Variants in GCN1 observed in about 807,000 individuals in gnomAD.
GCN1 encodes the protein GCN1 activator of EIF2AK4, also known as stalled ribosome sensor GCN1.
GCN1 carries 90 observed loss-of-function variants against 288.4 expected under a neutral mutation model. The observed-to-expected ratio is 0.31, with a 90% CI of 0.26 to 0.37. The LOEUF is 0.37. Ranked by LOEUF, GCN1 falls within the 10% of genes least tolerant of loss-of-function variation. GCN1 has a pLI of 1.00. For missense variants in GCN1, 2,586 were observed against 3,419.9 expected (o/e 0.76, Z 6.08); for synonymous variants, 1,386 against 1,420.2 (o/e 0.98, Z 0.54).
At chr12:120,165,047 A>AT (rs1268709450) in intron 16 of GCN1, among the ~76,000 whole-genome samples, 3 of 148,926 alleles carry the variant, frequency 2.0e-5, no homozygotes, top group African/African-American at 7.6e-5. Flanking sequence ...ATATATATAT[A>AT]TATATTTTTT....
intron 42 of GCN1, among the ~76,000 whole-genome samples, chr12:120,143,319 A>G (rs1490134790): frequency 1.3e-5 from 2 of 152,214 alleles, no homozygotes; most frequent in Admixed American, 6.5e-5. Flanking sequence ...GTGGTGGCTC[A>G]CGCCTGTAAT....
chr12:120,164,207 C>T lies in GCN1; in HGVS notation c.1848+129G>A, dbSNP rs901061621. 5.5e-6 allele frequency: 4 copies of T among 721,500 alleles called. No homozygotes were observed. In the African/African-American group the frequency reaches 7.1e-5, roughly 13 times the overall value. 44.7% of individuals were successfully genotyped at this position (721,500 alleles called of 1,614,324 possible). A position where few individuals can be genotyped will look rare whatever the true frequency, so the allele number is the denominator to read the frequency against. ...ATGTTACTGGAGCTTGACGGCAGAG[C>T]AGAAGATGCTGGCATCACACAGATT... On this transcript the variant is annotated intron_variant, in intron 18 of 57. Transcript: ENST00000300648.
In GCN1 at chr12:120,164,343, G is replaced by T; in HGVS notation, c.1841C>A (p.Ser614Tyr). 1 of 1,613,454 alleles carries T rather than the reference G, an allele frequency of 6.2e-7. No individual in the cohort carries two copies. The highest frequency in any genetic ancestry group is 8.5e-7 in the Non-Finnish European group (1 of 1,179,468). Residue 614 changes from serine (S) to tyrosine (Y), a missense_variant, in exon 18 of 58, where the codon TCT (serine) becomes TAT (tyrosine). Physicochemically the swap from Ser to Tyr is moderately radical, Grantham distance 144. This residue lies in a region of GCN1 where 913 missense variants were observed against 1,107.0 expected (regional missense o/e 0.82). Transcript: ENST00000300648. ...GAGCCCAGATGCCCTCACCTTGTGA[G>T]AACTGAGGACAGTCTTCAGCTCCTC... ...LLEELKTVLS[S>Y]HKVLPLEALV...
intron 1 of GCN1, among the ~76,000 whole-genome samples, chr12:120,193,661 A>G (rs1406638441): frequency 1.3e-5 from 2 of 152,216 alleles, no homozygotes; most frequent in Non-Finnish European, 2.9e-5. Context: ...TGTGGCTGCC[A>G]TACTGGACAT....
intron 20 of GCN1, among the ~76,000 whole-genome samples, chr12:120,162,545 G>A (rs1338466353): frequency 3.9e-5 from 6 of 152,226 alleles, no homozygotes; most frequent in Non-Finnish European, 8.8e-5. Flanking sequence ...AGCCCACATC[G>A]TGGAAAACAG....
At chr12:120,148,394 C>A in intron 36 of GCN1, 48 bp from the exon 37 acceptor site, 1 of 1,486,648 alleles carries the variant, frequency 6.7e-7, no homozygotes, top group South Asian at 1.2e-5. Context: ...GAGCAAAGGC[C>A]AGCAACTCAC....
chr12:120,138,747 G>A lies in GCN1; in HGVS notation c.6104C>T (p.Thr2035Ile). 1.2e-6 allele frequency: 2 copies of A among 1,614,214 alleles called. No individual in the cohort carries two copies. The highest frequency in any genetic ancestry group is 1.7e-6 in the Non-Finnish European group (2 of 1,180,010). The change falls in exon 46 of 58, where the codon ACC becomes ATC. Residue 2035 changes from threonine to isoleucine, a missense_variant. By Grantham distance (89) the Thr-to-Ile change is moderately conservative. Transcript: ENST00000300648. ...GTCCTCCAGAGCCTGGTGGCCGATG[G>A]TGGAATGCAGCTGCTCGAAAGTCTT... ...AAKTFEQLHSTIGHQALEDIL... is the reference protein window; with the variant it reads ...AAKTFEQLHSIIGHQALEDIL...
intron 53 of GCN1, among the ~76,000 whole-genome samples, chr12:120,133,372 G>A (rs747305489): frequency 9.8e-5 from 15 of 152,292 alleles, no homozygotes; most frequent in Non-Finnish European, 1.5e-4. Context: ...CACAGTGCTC[G>A]CAGCCAAATA....
chr12:120,158,309 C>A lies in GCN1; in HGVS notation c.2905+151G>T, dbSNP rs539499406. On this transcript the variant is annotated intron_variant, in intron 25 of 57. Transcript: ENST00000300648. The surrounding 1 kb of genome is among the most constrained non-coding windows in gnomAD (Gnocchi z 4.3). ...AGTAAACCCTCAACTGGGCTCACTG[C>A]AATTCACAGACTACGAAGGTTCAAT... The A allele has an allele frequency of 3.2e-5, 23 of 709,078 alleles. No individual in the cohort carries two copies. In the African/African-American group the frequency reaches 4.1e-4, roughly 13 times the overall value. 43.9% of individuals were successfully genotyped at this position (709,078 alleles called of 1,614,324 possible).
chr12:120,174,373 C>T (rs1878405461), intron 12 of GCN1, among the ~76,000 whole-genome samples: 1 of 152,200 alleles, frequency 6.6e-6, no homozygotes, highest in South Asian at 2.1e-4. Context: ...TCCTGCTAGA[C>T]CTGAACAAGT....
At chr12:120,148,493 G>C in intron 36 of GCN1, 147 bp from the exon 37 acceptor site, 1 of 650,864 alleles carries the variant, frequency 1.5e-6, no homozygotes, top group South Asian at 2.1e-5. Flanking sequence ...GAGGGGGCTG[G>C]CTCTAGCAGA....
chr12:120,148,207 G>C lies in GCN1; in HGVS notation c.4686C>G (p.Leu1562=). 1 of 1,614,000 alleles carries C rather than the reference G, an allele frequency of 6.2e-7. No individual in the cohort carries two copies. The highest frequency in any genetic ancestry group is 1.1e-5 in the South Asian group (1 of 91,070). Residue 1562 remains leucine, a synonymous_variant, in exon 37 of 58, where the codon CTC becomes CTG. Coordinates refer to ENST00000300648, the MANE Select transcript of GCN1 (RefSeq NM_006836.2). ...VKVQKAGQQA[L]RQIGSVIRNP... Reference sequence around the variant, plus strand: ...TCCTGATAACGGAGCCGATCTGCCTGAGCGCCTGCTGTCCAGCCTTCTGGA... The same window carrying C: ...TCCTGATAACGGAGCCGATCTGCCTCAGCGCCTGCTGTCCAGCCTTCTGGA...
intron 53 of GCN1, among the ~76,000 whole-genome samples, chr12:120,133,436 G>T (rs1398189050): frequency 6.6e-6 from 1 of 152,160 alleles, no homozygotes; most frequent in Non-Finnish European, 1.5e-5. Flanking sequence ...ACAGAACCAG[G>T]AGTCCAGGGC....
intron 5 of GCN1, 53 bp downstream of exon 5, chr12:120,183,516 T>C (rs1291567064): frequency 2.7e-6 from 3 of 1,124,856 alleles, no homozygotes; most frequent in Non-Finnish European, 4.1e-6. Context: ...AAACATGCTC[T>C]AACTCCTGGC....
intron 1 of GCN1, among the ~76,000 whole-genome samples, chr12:120,193,158 G>A (rs1009108762): frequency 6.6e-6 from 1 of 152,238 alleles, no homozygotes; most frequent in Non-Finnish European, 1.5e-5. Flanking sequence ...TTCGAGACCA[G>A]CCTGGCCAAC....
chr12:120,174,264 C>T (rs1878401771), intron 12 of GCN1, 95 bp from the exon 13 acceptor site: 1 of 730,712 alleles, frequency 1.4e-6, no homozygotes, highest in South Asian at 1.5e-5. Flanking sequence ...GGGTCACAGA[C>T]CTCTTCTGTG....
In GCN1 at chr12:120,144,193, C is replaced by T. The variant is rs1013573481; in HGVS notation, c.5495+113G>A. The T allele has an allele frequency of 2.4e-5, 29 of 1,186,872 alleles. No individual in the cohort carries two copies. The highest frequency in any genetic ancestry group is 3.5e-5 in the Non-Finnish European group (28 of 809,670). The allele number at this position is 1,186,872 out of a possible 1,614,324, so 73.5% of individuals were successfully genotyped here. ...GTCTCACTATGTTGCCAGGGCTCAT[C>T]GTAAACTCCTGGGTTTAAGCAATCC... is the stretch of plus-strand genomic sequence containing the variant. On this transcript the variant is annotated intron_variant, in intron 42 of 57. Coordinates refer to ENST00000300648, the MANE Select transcript of GCN1 (RefSeq NM_006836.2). The surrounding 1 kb of genome is among the most constrained non-coding windows in gnomAD (Gnocchi z 4.7).
Position 120,142,534 on chromosome 12 carries a change from C to T in GCN1, c.5802G>A (p.Leu1934=), listed in dbSNP as rs761605778. 1.9e-6 allele frequency: 3 copies of T among 1,613,754 alleles called. No homozygotes were observed. Among genetic ancestry groups the T allele is most frequent in the African/African-American group, 2.7e-5 (2 of 74,874 alleles). Residue 1934 remains leucine, a synonymous_variant, in exon 44 of 58, where the codon CTG becomes CTA. Coordinates refer to ENST00000300648, the MANE Select transcript of GCN1 (RefSeq NM_006836.2). This position sits in a 1 kb window ranked among gnomAD's most constrained non-coding sequence, Gnocchi z 4.9. ...TTCTCTTATCTGCACACGTGCTGGC[C>T]AGGAAACCCAGCAGGAGCCCAAAGA... ...PTLFGLLLGF[L]ASTCADKRTI...
chr12:120,146,752 A>C (rs1235126364), intron 38 of GCN1, among the ~76,000 whole-genome samples: 1 of 152,170 alleles, frequency 6.6e-6, no homozygotes, highest in Non-Finnish European at 1.5e-5. Flanking sequence ...ACAACAATAC[A>C]GGAGTATTCT....
Sources: allele counts gnomAD v4.1 joint callset (sites outside exome capture counted in the v4.1 genomes callset), GRCh38; gene constraint gnomAD v4.1.1; regional missense constraint gnomAD v4.1.1; non-coding constraint Gnocchi (gnomAD v3.1); transcripts MANE v1.5; gene names NCBI Gene and HGNC (gene_info 2026-07-23, HGNC 2026-07-21).